Variants in FBXO10 observed in about 807,000 individuals in gnomAD.
FBXO10 encodes the protein F-box only protein 10.
FBXO10 carries 39 observed loss-of-function variants against 80.7 expected under a neutral mutation model. The ratio of observed to expected loss-of-function variants is 0.48; its 90% CI spans 0.37 to 0.63. The LOEUF is 0.63. Among genes scored for constraint, FBXO10 ranks in the 30% least tolerant of loss-of-function variants. The pLI, the probability that FBXO10 is intolerant of heterozygous loss-of-function variation, is 0.00. For synonymous variants in FBXO10, 449 were observed against 489.6 expected (o/e 0.92, Z 1.09); for missense variants, 1,025 against 1,269.0 (o/e 0.81, Z 2.92).
chr9:37,531,024 C>T (rs1387308116), intron 4 of FBXO10, among the ~76,000 whole-genome samples: 1 of 152,210 alleles, frequency 6.6e-6, no homozygotes, highest in Non-Finnish European at 1.5e-5. Flanking sequence ...CAAATCCCAG[C>T]TCTGTCACTA....
chr9:37,513,212 C>T (rs772948759), intron 10 of FBXO10, among the ~76,000 whole-genome samples: 11 of 152,182 alleles, frequency 7.2e-5, no homozygotes, highest in East Asian at 1.9e-4. Flanking sequence ...TTGCCCAAGC[C>T]GGTCTTAAAC....
In FBXO10 at chr9:37,511,138, G is replaced by A. The variant is rs1015586614; in HGVS notation, c.*1409C>T. ...ACCCCCTCCCATCCCACCCAACAGAGCAGCACCTAGGGCCAATAGAACCAG... is the reference window on the plus strand; with the variant it reads ...ACCCCCTCCCATCCCACCCAACAGAACAGCACCTAGGGCCAATAGAACCAG... On this transcript the variant is annotated 3_prime_UTR_variant, in exon 11 of 11. Transcript: ENST00000432825. The A allele has an allele frequency of 6.6e-6, 1 of 151,894 alleles. No individual in the cohort carries two copies. The highest frequency in any genetic ancestry group is 2.4e-5 in the African/African-American group (1 of 41,218). The allele number at this position is 151,894 out of a possible 1,614,324, so 9.4% of individuals were successfully genotyped here.
In FBXO10 at chr9:37,511,854, G is replaced by C. The variant is rs1821063655; in HGVS notation, c.*693C>G. The C allele has an allele frequency of 6.6e-6, 1 of 152,428 alleles. No individual in the cohort carries two copies. The allele number at this position is 152,428 out of a possible 1,614,324, so 9.4% of individuals were successfully genotyped here. On this transcript the variant is annotated 3_prime_UTR_variant, in exon 11 of 11. Coordinates refer to ENST00000432825, the MANE Select transcript of FBXO10 (RefSeq NM_012166.3). ...ATCCTTCTGCATTTGGGAGCTCTCT[G>C]GGGATGGAGTAGAGCCTTGTGCATC...
At chr9:37,555,267 C>T (rs1334156699) in intron 1 of FBXO10, among the ~76,000 whole-genome samples, 2 of 151,716 alleles carry the variant, frequency 1.3e-5, no homozygotes, top group African/African-American at 4.8e-5. Flanking sequence ...AATGGTATAT[C>T]ATTTTGGTTT....
At chr9:37,538,767 A>C (rs1000439202) in intron 2 of FBXO10, among the ~76,000 whole-genome samples, 12 of 152,036 alleles carry the variant, frequency 7.9e-5, no homozygotes, top group African/African-American at 2.9e-4. Flanking sequence ...ATCTTGGACA[A>C]ATGACTTCAC....
chr9:37,513,884 C>T (rs1203392216), intron 10 of FBXO10, among the ~76,000 whole-genome samples: 1 of 152,188 alleles, frequency 6.6e-6, no homozygotes, highest in African/African-American at 2.4e-5. Context: ...GCCACCGCAC[C>T]CGGCCACGAT....
chr9:37,535,471 C>T (rs1211948857), intron 3 of FBXO10, among the ~76,000 whole-genome samples: 4 of 152,116 alleles, frequency 2.6e-5, no homozygotes, highest in Non-Finnish European at 5.9e-5. Context: ...CCTGCCTCAG[C>T]CTCCCGAGTA....
At chr9:37,524,174 T>C (rs201575390) in intron 6 of FBXO10, among the ~76,000 whole-genome samples, 1 of 152,076 alleles carries the variant, frequency 6.6e-6, no homozygotes, top group East Asian at 1.9e-4. Flanking sequence ...CTTTCCCAGC[T>C]CCTCCAGCCA....
chr9:37,522,429 G>GT, intron 7 of FBXO10: 4 of 1,033,682 alleles, frequency 3.9e-6, no homozygotes, highest in Non-Finnish European at 3.5e-6. Context: ...AAGTCACTGC[G>GT]TGAGTGAGAA....
rs1238943534 is a variant in FBXO10 at position 37,512,206 on chromosome 9, A to G, written c.*341T>C. The G allele has an allele frequency of 2.2e-5, 4 of 182,450 alleles. No individual in the cohort carries two copies. Among genetic ancestry groups the G allele is most frequent in the African/African-American group, 9.4e-5 (4 of 42,660 alleles). The allele number at this position is 182,450 out of a possible 1,614,324, so 11.3% of individuals were successfully genotyped here. On this transcript the variant is annotated 3_prime_UTR_variant, in exon 11 of 11. Coordinates refer to ENST00000432825, the MANE Select transcript of FBXO10 (RefSeq NM_012166.3). ...GAAGTAAATCTGCTCTTTCCTGAGAAGAGTCTGGGTTTGGTGTGTGTAAAA... is the reference window on the plus strand; with the variant it reads ...GAAGTAAATCTGCTCTTTCCTGAGAGGAGTCTGGGTTTGGTGTGTGTAAAA...
chr9:37,568,304 T>C (rs1822661013), intron 1 of FBXO10, among the ~76,000 whole-genome samples: 1 of 152,044 alleles, frequency 6.6e-6, no homozygotes, highest in Admixed American at 6.5e-5. Flanking sequence ...TTCAAGTGAT[T>C]CTCCTGCCTC....
chr9:37,529,531 A>T (rs1169951398), intron 4 of FBXO10, among the ~76,000 whole-genome samples: 1 of 152,194 alleles, frequency 6.6e-6, no homozygotes, highest in Non-Finnish European at 1.5e-5. Context: ...TTCACCTGCA[A>T]GGCAGGCTAC....
intron 3 of FBXO10, among the ~76,000 whole-genome samples, chr9:37,535,651 C>T (rs991478882): frequency 6.6e-6 from 1 of 152,180 alleles, no homozygotes; most frequent in Admixed American, 6.5e-5. Flanking sequence ...AGCCACAGCA[C>T]CCGGCTGACA....
intron 10 of FBXO10, among the ~76,000 whole-genome samples, chr9:37,513,875 C>T (rs1821121136): frequency 6.6e-6 from 1 of 152,206 alleles, no homozygotes; most frequent in Non-Finnish European, 1.5e-5. Context: ...CAGGCGTGAG[C>T]CACCGCACCC....
Position 37,532,044 on chromosome 9 carries a change from C to T in FBXO10, c.1434G>A (p.Arg478=), listed in dbSNP as rs2119096026. The T allele has an allele frequency of 1.2e-6, 2 of 1,613,578 alleles. No homozygotes were observed. Among genetic ancestry groups the T allele is most frequent in the East Asian group, 2.2e-5 (1 of 44,874 alleles). The change falls in exon 4 of 11, where the codon AGG becomes AGA. Residue 478 remains arginine, a synonymous_variant. Coordinates refer to ENST00000432825, the MANE Select transcript of FBXO10 (RefSeq NM_012166.3). ...ACGCTCGGCAGCGGTAAATGTCGTTCCTGAGCATGATGATCTAAGCAGAAA... is the reference window on the plus strand; with the variant it reads ...ACGCTCGGCAGCGGTAAATGTCGTTTCTGAGCATGATGATCTAAGCAGAAA... ...CIHNSKIIML[R]NDIYRCRASG...
rs1821184163 is a variant in FBXO10 at position 37,516,650 on chromosome 9, A to G, written c.2515-565T>C. ...AAATATGCAACCAACCTAACTGCCC[A>G]TCAGCCAAAGAGTGGATAAAGAAAT... On this transcript the variant is annotated intron_variant, in intron 9 of 10. Transcript: ENST00000432825. Among the ~76,000 whole-genome samples, 3 of 152,232 alleles carry G rather than the reference A, an allele frequency of 2.0e-5. No individual in the cohort carries two copies. The South Asian group carries it at 6.2e-4, about 31-fold the overall frequency.
At chr9:37,518,535 A>T in intron 8 of FBXO10, 97 bp from the exon 9 acceptor site, 6 of 1,020,184 alleles carry the variant, frequency 5.9e-6, no homozygotes, top group East Asian at 2.6e-5. Flanking sequence ...ACTCCGGGAG[A>T]ACGGAGTGGA....
chr9:37,556,526 G>A (rs956347842), intron 1 of FBXO10, among the ~76,000 whole-genome samples: 5 of 92,208 alleles, frequency 5.4e-5, no homozygotes, highest in Non-Finnish European at 9.3e-5. Flanking sequence ...GGATATTTTT[G>A]TTCTGGATTT....
intron 2 of FBXO10, among the ~76,000 whole-genome samples, chr9:37,540,644 C>T (rs760017482): frequency 1.4e-4 from 22 of 152,210 alleles, no homozygotes; most frequent in Admixed American, 2.6e-4. Flanking sequence ...TCTGCATTCA[C>T]GGAAGGAATA....
Sources: gnomAD v4.1 joint callset for allele counts (sites outside exome capture counted in the v4.1 genomes callset) on GRCh38, gnomAD v4.1.1 for gene constraint, MANE v1.5 for transcripts, NCBI Gene and HGNC (gene_info 2026-07-23, HGNC 2026-07-21) for gene names.